The following CBR3 variants were observed in gnomAD, a reference collection of about 807,000 sequenced individuals.
CBR3 encodes carbonyl reductase [NADPH] 3.
Under a neutral mutation model 11.6 loss-of-function variants are expected in CBR3, and 14 were observed. The observed-to-expected ratio is 1.20, with a 90% CI of 0.79 to 1.88. The LOEUF (loss-of-function observed/expected upper bound fraction) is 1.88, where lower values mean the gene tolerates loss of function less well. Ranked by LOEUF, CBR3 falls within the 40% of genes most tolerant of loss-of-function variation. The pLI, the probability that CBR3 is intolerant of heterozygous loss-of-function variation, is 0.00. For synonymous variants in CBR3, 125 were observed against 145.6 expected, an observed-to-expected ratio of 0.86 and a Z score of 1.02; for missense variants, 308 against 357.3, an observed-to-expected ratio of 0.86 and a Z score of 1.11.
Position 36,135,462 on chromosome 21 carries a change from C to G in CBR3, c.270C>G (p.Asn90Lys). 5 of 1,611,886 alleles carry G rather than the reference C, an allele frequency of 3.1e-6. No individual in the cohort carries two copies. Among genetic ancestry groups the G allele is most frequent in the Non-Finnish European group, 4.2e-6 (5 of 1,178,668 alleles). The part of the protein sequence containing the change: ...EYGGLNVLVN[N>K]AAVAFKSDDP... ...GGGGGCTCAACGTACTGGTCAACAACGCGGCCGTCGCCTTCAAGAGTAGGT... is the reference window on the plus strand; with the variant it reads ...GGGGGCTCAACGTACTGGTCAACAAGGCGGCCGTCGCCTTCAAGAGTAGGT... Residue 90 changes from asparagine (N) to lysine (K), a missense_variant, in exon 1 of 3, where the codon AAC becomes AAG. Asn to Lys is a moderately conservative substitution (Grantham distance 94). Coordinates refer to ENST00000290354, the MANE Select transcript of CBR3 (RefSeq NM_001236.4).
intron 2 of CBR3, among the ~76,000 whole-genome samples, chr21:36,139,325 G>C (rs558575860): frequency 2.6e-5 from 4 of 151,624 alleles, no homozygotes; most frequent in African/African-American, 7.2e-5. Flanking sequence ...TATTCCCCAA[G>C]AAGTTAACTG....
chr21:36,142,428 T>C (rs1178644632), intron 2 of CBR3, among the ~76,000 whole-genome samples: 6 of 2,460 alleles, frequency 2.4e-3, no homozygotes, highest in Non-Finnish European at 2.9e-3. Context: ...CGAGACTCCA[T>C]CTCAAAAAAA....
At position 36,135,499 on chromosome 21, in the gene CBR3, G is replaced by A. The variant is rs1159603052; in HGVS notation, c.289+18G>A. 4 of 1,591,866 alleles carry A rather than the reference G, an allele frequency of 2.5e-6. No individual in the cohort carries two copies. The highest frequency in any genetic ancestry group is 3.4e-6 in the Non-Finnish European group (4 of 1,167,488). The stretch of plus-strand genomic sequence containing the variant: ...CTTCAAGAGTAGGTGCAGGGCTTGG[G>A]TTGGGGCCCCCTGGAGCGCTCCGAG... On this transcript the variant is annotated intron_variant, in intron 1 of 2. Transcript: ENST00000290354.
chr21:36,142,709 G>C (rs543886398), intron 2 of CBR3, among the ~76,000 whole-genome samples: 1 of 152,284 alleles, frequency 6.6e-6, no homozygotes, highest in South Asian at 2.1e-4. Context: ...GAGGGAAAAA[G>C]CAAACACAGC....
intron 1 of CBR3, among the ~76,000 whole-genome samples, chr21:36,136,307 T>TG (rs1243598062): frequency 2.9e-5 from 1 of 34,222 alleles, no homozygotes; most frequent in Non-Finnish European, 7.5e-5. Context: ...AGACTCCGTA[T>TG]GAAAAAAAAA....
At position 36,144,185 on chromosome 21, in the gene CBR3, G is replaced by A. The variant is rs536811309; in HGVS notation, c.398-1891G>A. ...AAAACTGCCAGCGGGCTGGGCACACGGTGGCTCACACCTGTAATCCTAGCA... is the reference window on the plus strand; with the variant it reads ...AAAACTGCCAGCGGGCTGGGCACACAGTGGCTCACACCTGTAATCCTAGCA... On this transcript the variant is annotated intron_variant, in intron 2 of 2. Coordinates refer to ENST00000290354, the MANE Select transcript of CBR3 (RefSeq NM_001236.4). Among the ~76,000 whole-genome samples the A allele has an allele frequency of 9.0e-4, 136 of 151,716 alleles. 2 individuals are homozygous for A. The highest frequency in any genetic ancestry group is 4.4e-4 in the African/African-American group (18 of 41,358).
At chr21:36,142,431 C>CAAAAAAAAAAAAAAAA (rs71326645) in intron 2 of CBR3, among the ~76,000 whole-genome samples, 1,405 of 40,096 alleles carry the variant, frequency 0.035, 206 homozygotes, top group African/African-American at 0.12. Context: ...GACTCCATCT[C>CAAAAAAAAAAAAAAAA]AAAAAAAAAA....
chr21:36,137,494 AAAAG>A (rs200564523), intron 1 of CBR3: 72 of 194,926 alleles, frequency 3.7e-4, no homozygotes, highest in Non-Finnish European at 5.1e-4. Context: ...GAAAGAAAAG[AAAAG>A]AAAGAAAGGA....
intron 2 of CBR3, among the ~76,000 whole-genome samples, chr21:36,140,362 T>C (rs887689805): frequency 6.6e-6 from 1 of 152,034 alleles, no homozygotes. Flanking sequence ...TTAAAAACTC[T>C]CCTTTTTACA....
At chr21:36,141,896 T>G in intron 2 of CBR3, 2 of 981,874 alleles carry the variant, frequency 2.0e-6, no homozygotes, top group Non-Finnish European at 2.4e-6. Flanking sequence ...TCTTTCTTCC[T>G]TTCCCATTCA....
chr21:36,138,181 C>G, intron 2 of CBR3: 1 of 420,746 alleles, frequency 2.4e-6, no homozygotes, highest in Non-Finnish European at 4.3e-6. Context: ...AAATTTTGCT[C>G]TTGTTGTGCA....
intron 1 of CBR3, among the ~76,000 whole-genome samples, chr21:36,136,185 G>A (rs530651345): frequency 2.6e-5 from 4 of 152,072 alleles, no homozygotes; most frequent in Non-Finnish European, 5.9e-5. Flanking sequence ...GGGCGCAGTG[G>A]CTCACGCCTG....
Position 36,135,142 on chromosome 21 carries a change from C to G in CBR3, c.-51C>G, listed in dbSNP as rs896952920. 7 of 1,410,704 alleles carry G rather than the reference C, an allele frequency of 5.0e-6. No individual in the cohort carries two copies. The highest frequency in any genetic ancestry group is 6.4e-6 in the Non-Finnish European group (7 of 1,088,442). The allele number at this position is 1,410,704 out of a possible 1,614,324, so 87.4% of individuals were successfully genotyped here. A position where few individuals can be genotyped will look rare whatever the true frequency, so the allele number is the denominator to read the frequency against. ...CTCCTCGGGGCGCGCCCCAGGTGGT[C>G]CGAAGCCCGGTCCGCCCTCCACGCA... On this transcript the variant is annotated 5_prime_UTR_variant, in exon 1 of 3. Coordinates refer to ENST00000290354, the MANE Select transcript of CBR3 (RefSeq NM_001236.4).
chr21:36,141,844 G>A (rs1402550631), intron 2 of CBR3: 1 of 793,448 alleles, frequency 1.3e-6, no homozygotes, highest in East Asian at 1.3e-4. Context: ...CCCTTAAGAG[G>A]ATTTATTTCC....
chr21:36,138,082 G>T, intron 2 of CBR3, 150 bp downstream of exon 2: 2 of 612,054 alleles, frequency 3.3e-6, no homozygotes, highest in East Asian at 5.5e-5. Flanking sequence ...TTCCCACAGT[G>T]TTTGGCTTCT....
At position 36,146,266 on chromosome 21, in the gene CBR3, G is replaced by A; in HGVS notation, c.588G>A (p.Val196=). The change falls in exon 3 of 3, where the codon GTG becomes GTA. Residue 196 remains valine (V), a synonymous_variant. Transcript: ENST00000290354. ...REGWPNSPYG[V]SKLGVTVLSR... Reference sequence around the variant, plus strand: ...GCTGGCCCAACTCACCTTATGGGGTGTCCAAGTTGGGGGTCACGGTCTTAT... The same window carrying A: ...GCTGGCCCAACTCACCTTATGGGGTATCCAAGTTGGGGGTCACGGTCTTAT... 1 of 1,614,182 alleles carries A rather than the reference G, an allele frequency of 6.2e-7. No homozygotes were observed. Among genetic ancestry groups the A allele is most frequent in the Non-Finnish European group, 8.5e-7 (1 of 1,180,030 alleles).
intron 2 of CBR3, among the ~76,000 whole-genome samples, chr21:36,143,767 T>C (rs13049871): frequency 0.044 from 6,633 of 150,686 alleles, 187 homozygotes; most frequent in Non-Finnish European, 0.064. Flanking sequence ...GTGGGCCCAG[T>C]TATTTGTGGG....
At chr21:36,145,941 A>C in intron 2 of CBR3, 135 bp from the exon 3 acceptor site, 2 of 666,958 alleles carry the variant, frequency 3.0e-6, no homozygotes, top group Non-Finnish European at 4.9e-6. Flanking sequence ...AGCCTGGGCA[A>C]CAGGGCGAGA....
chr21:36,136,121 G>C (rs1047215985), intron 1 of CBR3, among the ~76,000 whole-genome samples: 1 of 152,054 alleles, frequency 6.6e-6, no homozygotes, highest in Non-Finnish European at 1.5e-5. Flanking sequence ...TTAAGGAGAG[G>C]GGCGGGGATC....
Sources: gnomAD v4.1 joint callset for allele counts (sites outside exome capture counted in the v4.1 genomes callset) on GRCh38, gnomAD v4.1.1 for gene constraint, MANE v1.5 for transcripts, NCBI Gene and HGNC (gene_info 2026-07-23, HGNC 2026-07-21) for gene names.